The following CHCHD6 variants were observed in gnomAD, a reference collection of about 807,000 sequenced individuals.
CHCHD6 encodes coiled-coil-helix-coiled-coil-helix domain containing 6, also known as MICOS complex subunit MIC25.
CHCHD6 carries 28 observed loss-of-function variants against 32.3 expected under a neutral mutation model. The ratio of observed to expected loss-of-function variants is 0.87; its 90% CI spans 0.64 to 1.19. CHCHD6 has a LOEUF of 1.19. Ranked by LOEUF, CHCHD6 falls within the 50% of genes most tolerant of loss-of-function variation. CHCHD6 has a pLI of 0.00. For synonymous variants in CHCHD6, 122 were observed against 117.5 expected (o/e 1.04, Z -0.25); for missense variants, 333 against 307.0 (o/e 1.08, Z -0.63).
intron 4 of CHCHD6, among the ~76,000 whole-genome samples, chr3:126,755,578 C>T (rs896129640): frequency 6.6e-6 from 1 of 151,936 alleles, no homozygotes; most frequent in Admixed American, 6.6e-5. Context: ...TTTGGCAGCC[C>T]GATTATTTAG....
At chr3:126,824,569 A>AAAAAAAAAAAAAAAAAAAAAAAC (rs1940305099) in intron 4 of CHCHD6, among the ~76,000 whole-genome samples, 2 of 147,218 alleles carry the variant, frequency 1.4e-5, no homozygotes, top group South Asian at 2.1e-4. Context: ...TCAAAAAAAA[A>AAAAAAAAAAAAAAAAAAAAAAAC]AAAAAAAAAA....
chr3:126,733,162 G>A lies in CHCHD6; in HGVS notation c.351G>A (p.Lys117=). Residue 117 remains lysine, a synonymous_variant, in exon 4 of 8, where the codon AAG becomes AAA. Transcript: ENST00000290913. The stretch of plus-strand genomic sequence containing the variant: ...GAGAGGCTGCCACCAAGCACTCCAA[G>A]GCATCCCTGCCCACGGGCGAAGGCA... ...REREAATKHS[K]ASLPTGEGSI... The A allele has an allele frequency of 1.2e-6, 2 of 1,614,232 alleles. No homozygotes were observed. The highest frequency in any genetic ancestry group is 2.2e-5 in the South Asian group (2 of 91,082).
chr3:126,895,875 G>A (rs985892379), intron 5 of CHCHD6, among the ~76,000 whole-genome samples: 1 of 152,226 alleles, frequency 6.6e-6, no homozygotes, highest in Non-Finnish European at 1.5e-5. Context: ...CAGAAGATGG[G>A]TCAGAGATGG....
At chr3:126,931,874 A>G (rs1228603443) in intron 6 of CHCHD6, among the ~76,000 whole-genome samples, 3 of 152,172 alleles carry the variant, frequency 2.0e-5, no homozygotes, top group Non-Finnish European at 4.4e-5. Flanking sequence ...GTCTCATCTC[A>G]TCTCACTTAA....
intron 4 of CHCHD6, among the ~76,000 whole-genome samples, chr3:126,793,602 G>A (rs1410518195): frequency 1.3e-5 from 2 of 152,100 alleles, no homozygotes; most frequent in Admixed American, 1.3e-4. Flanking sequence ...GCTTTCAAAT[G>A]TCAAACATAA....
intron 4 of CHCHD6, among the ~76,000 whole-genome samples, chr3:126,796,738 G>A (rs1938810816): frequency 1.3e-5 from 2 of 152,144 alleles, no homozygotes; most frequent in African/African-American, 4.8e-5. Flanking sequence ...ATGGCACCCT[G>A]GAGAGGGTTT....
At chr3:126,748,269 C>T (rs980502380) in intron 4 of CHCHD6, among the ~76,000 whole-genome samples, 12 of 152,158 alleles carry the variant, frequency 7.9e-5, no homozygotes, top group African/African-American at 2.9e-4. Context: ...TCTTTCTTCT[C>T]AAACTCATTA....
chr3:126,949,195 CTG>C (rs1333038352), intron 6 of CHCHD6: 1 of 153,226 alleles, frequency 6.5e-6, no homozygotes, highest in African/African-American at 2.4e-5. Context: ...GCTGCTGACT[CTG>C]AGCCAAGGAG....
Position 126,922,989 on chromosome 3 carries a change from T to C in CHCHD6, c.566+8239T>C, listed in dbSNP as rs535899474. Reference sequence around the variant, plus strand: ...GGGTGAGCCGCCATTACTGGTGGCATTGTGGGTGTGATAAAGAGGCTGCTT... The same window carrying C: ...GGGTGAGCCGCCATTACTGGTGGCACTGTGGGTGTGATAAAGAGGCTGCTT... On this transcript the variant is annotated intron_variant, in intron 6 of 7. Coordinates refer to ENST00000290913, the MANE Select transcript of CHCHD6 (RefSeq NM_032343.3). Among the ~76,000 whole-genome samples the C allele has an allele frequency of 5.9e-5, 9 of 152,274 alleles. No homozygotes were observed. In the East Asian group the frequency reaches 1.5e-3, roughly 26 times the overall value.
rs149895284 is a variant in CHCHD6, at chr3:126,834,791, A to G, written c.412-17856A>G. Among the ~76,000 whole-genome samples, 944 of 152,102 alleles carry G rather than the reference A, an allele frequency of 6.2e-3. 8 individuals carry two copies. The highest frequency in any genetic ancestry group is 0.021 in the African/African-American group (889 of 41,466). Reference sequence around the variant, plus strand: ...GGAAATTGGACAGAACCTCCCCAAGACTCCAACACGGGATTTAATAGGGTG... The same window carrying G: ...GGAAATTGGACAGAACCTCCCCAAGGCTCCAACACGGGATTTAATAGGGTG... On this transcript the variant is annotated intron_variant, in intron 4 of 7. Coordinates refer to ENST00000290913, the MANE Select transcript of CHCHD6 (RefSeq NM_032343.3).
intron 4 of CHCHD6, among the ~76,000 whole-genome samples, chr3:126,781,782 T>G (rs562288179): frequency 3.9e-5 from 6 of 152,344 alleles, no homozygotes; most frequent in African/African-American, 1.4e-4. Flanking sequence ...TCTTTATCCT[T>G]GTCTCTCTCA....
At chr3:126,941,495 T>A (rs991688516) in intron 6 of CHCHD6, among the ~76,000 whole-genome samples, 5 of 152,192 alleles carry the variant, frequency 3.3e-5, no homozygotes, top group Non-Finnish European at 5.9e-5. Context: ...GAATTTAGAA[T>A]CACTTTGTCA....
At chr3:126,806,157 T>C (rs1291249940) in intron 4 of CHCHD6, among the ~76,000 whole-genome samples, 12 of 151,866 alleles carry the variant, frequency 7.9e-5, no homozygotes, top group African/African-American at 2.9e-4. Context: ...ACTTCATGTC[T>C]AAAACACCAA....
intron 5 of CHCHD6, among the ~76,000 whole-genome samples, chr3:126,856,328 C>T (rs1355077292): frequency 1.3e-5 from 2 of 152,132 alleles, no homozygotes; most frequent in African/African-American, 4.8e-5. Context: ...TCACAAGGGC[C>T]GGTGGTTCAG....
chr3:126,918,397 A>G (rs2078199984), intron 6 of CHCHD6, among the ~76,000 whole-genome samples: 1 of 152,248 alleles, frequency 6.6e-6, no homozygotes, highest in Admixed American at 6.5e-5. Context: ...GCCAGACACC[A>G]TGCTAGGCCC....
chr3:126,828,941 AT>A (rs1049409716), intron 4 of CHCHD6, among the ~76,000 whole-genome samples: 1 of 151,468 alleles, frequency 6.6e-6, no homozygotes, highest in Admixed American at 6.6e-5. Context: ...TTTTGACTTT[AT>A]TTTTTTCCTA....
intron 4 of CHCHD6, among the ~76,000 whole-genome samples, chr3:126,830,853 G>T (rs1221252980): frequency 6.6e-6 from 1 of 152,152 alleles, no homozygotes; most frequent in Non-Finnish European, 1.5e-5. Flanking sequence ...TCCTGTGGGT[G>T]TTGGCTCACC....
intron 4 of CHCHD6, among the ~76,000 whole-genome samples, chr3:126,756,651 C>G (rs77907645): frequency 6.6e-6 from 1 of 152,214 alleles, no homozygotes. Flanking sequence ...GTTGTAGTAT[C>G]AAGCAGCCTC....
At chr3:126,751,421 G>A (rs750325195) in intron 4 of CHCHD6, among the ~76,000 whole-genome samples, 9 of 149,056 alleles carry the variant, frequency 6.0e-5, no homozygotes, top group Admixed American at 3.4e-4. Context: ...AGAATTGCTT[G>A]AGCCTTGGAG....
Sources: gnomAD v4.1 joint callset for allele counts (sites outside exome capture counted in the v4.1 genomes callset) on GRCh38, gnomAD v4.1.1 for gene constraint, MANE v1.5 for transcripts, NCBI Gene and HGNC (gene_info 2026-07-23, HGNC 2026-07-21) for gene names.